The following DIPK1A variants were observed in gnomAD, a reference collection of about 807,000 sequenced individuals.
DIPK1A encodes family with sequence similarity 69 member A.
Under a neutral mutation model 40.8 loss-of-function variants are expected in DIPK1A, and 27 were observed. That is an observed-to-expected ratio of 0.66 (90% CI 0.49 to 0.91). DIPK1A has a LOEUF of 0.91. DIPK1A is among the 40% of genes least tolerant of loss of function. The pLI, the probability that DIPK1A is intolerant of heterozygous loss-of-function variation, is 0.00. For synonymous variants in DIPK1A, 166 were observed against 171.3 expected, an observed-to-expected ratio of 0.97 and a Z score of 0.24; for missense variants, 412 against 505.7, an observed-to-expected ratio of 0.81 and a Z score of 1.78.
At chr1:92,837,388 A>G (rs2100687977), downstream of DIPK1A, 1 of 1,360,360 alleles carries the variant, frequency 7.4e-7, no homozygotes, top group East Asian at 2.3e-5. Flanking sequence ...GGCAGCTACT[A>G]AAGTAAATTC....
intron 4 of DIPK1A, chr1:92,836,046 C>A: frequency 1.4e-6 from 1 of 715,476 alleles, no homozygotes; most frequent in Non-Finnish European, 2.5e-6. Context: ...AATTCATGAG[C>A]AAGTGGATCT....
chr1:92,912,410 T>C (rs1211036043), intron 1 of DIPK1A, among the ~76,000 whole-genome samples: 2 of 152,078 alleles, frequency 1.3e-5, no homozygotes, highest in Non-Finnish European at 1.5e-5. Flanking sequence ...ATATATATAA[T>C]ATATATGCCA....
chr1:92,891,685 G>A (rs1026854324), intron 1 of DIPK1A, among the ~76,000 whole-genome samples: 8 of 152,226 alleles, frequency 5.3e-5, no homozygotes, highest in South Asian at 2.1e-4. Flanking sequence ...GCAGTGCACC[G>A]AGCCTGAGCT....
At chr1:92,921,432 A>C (rs1312789976) in intron 1 of DIPK1A, among the ~76,000 whole-genome samples, 1 of 152,214 alleles carries the variant, frequency 6.6e-6, no homozygotes, top group African/African-American at 2.4e-5. Context: ...AATGTGTTGC[A>C]AAAAAATTGA....
chr1:92,957,337 CCA>C (rs1651894642), intron 1 of DIPK1A, among the ~76,000 whole-genome samples: 1 of 152,218 alleles, frequency 6.6e-6, no homozygotes, highest in African/African-American at 2.4e-5. Context: ...GTTAATACAT[CCA>C]CAGTTTCTGA....
At chr1:92,889,234 T>G (rs1486129168) in intron 1 of DIPK1A, among the ~76,000 whole-genome samples, 1 of 152,208 alleles carries the variant, frequency 6.6e-6, no homozygotes, top group Non-Finnish European at 1.5e-5. Flanking sequence ...GGCTATCCAG[T>G]TTTTCCAACA....
At position 92,842,260 on chromosome 1, in the gene DIPK1A, A is replaced by G; in HGVS notation, c.*1123T>C. On this transcript the variant is annotated 3_prime_UTR_variant, in exon 5 of 5. Transcript: ENST00000370310. Reference sequence around the variant, plus strand: ...GTGCTAATCCATGGCGTTGAAGGAAAGTTTTGAGAGAAAGCTGTCCAGTGA... The same window carrying G: ...GTGCTAATCCATGGCGTTGAAGGAAGGTTTTGAGAGAAAGCTGTCCAGTGA... The G allele has an allele frequency of 7.1e-6, 7 of 989,784 alleles. No individual in the cohort carries two copies. The highest frequency in any genetic ancestry group is 8.4e-6 in the Non-Finnish European group (7 of 832,848). The allele number at this position is 989,784 out of a possible 1,614,324, so 61.3% of individuals were successfully genotyped here. A position where few individuals can be genotyped will look rare whatever the true frequency, so the allele number is the denominator to read the frequency against.
At chr1:92,841,980 T>C (rs1687384370), downstream of DIPK1A, 9 of 965,666 alleles carry the variant, frequency 9.3e-6, no homozygotes, top group South Asian at 1.4e-4. Flanking sequence ...CTGAAATATT[T>C]TGGAAAAGCA....
At chr1:92,893,205 G>T (rs9440128) in intron 1 of DIPK1A, among the ~76,000 whole-genome samples, 92,623 of 144,412 alleles carry the variant, frequency 0.64, 30,308 homozygotes, top group East Asian at 0.94. Flanking sequence ...AATTGTCAGA[G>T]TGACCAAAGT....
Position 92,834,905 on chromosome 1 carries a change from G to T in DIPK1A, c.475-1871C>A. On this transcript the variant is annotated intron_variant, in intron 4 of 4. Transcript: ENST00000615519. The stretch of plus-strand genomic sequence containing the variant: ...AGCATATTGTACTGGCCTGCTGCTG[G>T]CCCGCAGGGTATGTACAAGATGATT... 1 of 1,601,376 alleles carries T rather than the reference G, an allele frequency of 6.2e-7. No homozygotes were observed. The highest frequency in any genetic ancestry group is 8.5e-7 in the Non-Finnish European group (1 of 1,179,968).
intron 2 of DIPK1A, 147 bp from the exon 3 acceptor site, chr1:92,851,102 C>G (rs1687803399): frequency 1.6e-6 from 1 of 609,944 alleles, no homozygotes. Context: ...GATCTAAGCT[C>G]TGTTACTTAT....
intron 2 of DIPK1A, among the ~76,000 whole-genome samples, chr1:92,871,337 GTA>G (rs1451195151): frequency 6.6e-6 from 1 of 151,888 alleles, no homozygotes; most frequent in Non-Finnish European, 1.5e-5. Context: ...GGCTAATTTT[GTA>G]TTTTTAGTAG....
intron 4 of DIPK1A, chr1:92,845,407 G>C (rs1044217444): frequency 8.1e-6 from 2 of 247,616 alleles, no homozygotes; most frequent in South Asian, 3.6e-5. Flanking sequence ...AATTGCTCAA[G>C]CCAGTAATTC....
At chr1:92,959,902 A>ATTTTTTTTTTTTTTTTT (rs1557502636) in intron 1 of DIPK1A, among the ~76,000 whole-genome samples, 665 of 43,056 alleles carry the variant, frequency 0.015, 62 homozygotes, top group Admixed American at 0.018. Context: ...CACCCAACCA[A>ATTTTTTTTTTTTTTTTT]CTTTTTTTTT....
At chr1:92,950,100 C>G (rs1040861743) in intron 1 of DIPK1A, among the ~76,000 whole-genome samples, 4 of 152,098 alleles carry the variant, frequency 2.6e-5, no homozygotes, top group African/African-American at 9.7e-5. Context: ...TACACTAATA[C>G]TGTGGAGTAT....
intron 1 of DIPK1A, among the ~76,000 whole-genome samples, chr1:92,884,768 C>G (rs1348326872): frequency 6.6e-6 from 1 of 152,142 alleles, no homozygotes; most frequent in Admixed American, 6.5e-5. Flanking sequence ...GATGAGAATG[C>G]ATGGTCCTTT....
downstream of DIPK1A, among the ~76,000 whole-genome samples, chr1:92,839,376 C>G (rs949956877): frequency 2.0e-5 from 3 of 152,054 alleles, no homozygotes; most frequent in Admixed American, 2.0e-4. Flanking sequence ...AAAAAATTGC[C>G]CAATAAAATA....
intron 2 of DIPK1A, among the ~76,000 whole-genome samples, chr1:92,865,157 T>C (rs1647477353): frequency 6.7e-6 from 1 of 149,870 alleles, no homozygotes; most frequent in Admixed American, 6.7e-5. Context: ...AGGGCAGGAG[T>C]TGGAGATCAG....
chr1:92,934,010 T>A (rs1043454091), intron 1 of DIPK1A: 1 of 152,142 alleles, frequency 6.6e-6, no homozygotes, highest in African/African-American at 2.4e-5. Context: ...GCAGTGAAGA[T>A]AAAGGGTGAA....
Sources: gnomAD v4.1 joint callset for allele counts (sites outside exome capture counted in the v4.1 genomes callset) on GRCh38, gnomAD v4.1.1 for gene constraint, MANE v1.5 for transcripts, NCBI Gene and HGNC (gene_info 2026-07-23, HGNC 2026-07-21) for gene names.